The following KLHL25 variants were observed in gnomAD, a reference collection of about 807,000 sequenced individuals.
KLHL25 encodes the protein kelch like family member 25.
Under a neutral mutation model 30.0 loss-of-function variants are expected in KLHL25, and 41 were observed. The ratio of observed to expected loss-of-function variants is 1.37; its 90% CI spans 1.07 to 1.78. The LOEUF is 1.78. KLHL25 is among the 40% of genes most tolerant of loss of function. The pLI, the probability that KLHL25 is intolerant of heterozygous loss-of-function variation, is 0.00. For missense variants in KLHL25, 971 were observed against 824.5 expected (o/e 1.18, Z -2.18); for synonymous variants, 399 against 355.3 (o/e 1.12, Z -1.38).
chr15:85,783,322 G>C (rs1437112110), intron 1 of KLHL25, among the ~76,000 whole-genome samples: 1 of 151,666 alleles, frequency 6.6e-6, no homozygotes, highest in Non-Finnish European at 1.5e-5. Flanking sequence ...TCGAACTCCT[G>C]ACCTCAGGTG....
At chr15:85,774,114 G>A (rs986706371) in intron 1 of KLHL25, among the ~76,000 whole-genome samples, 1 of 152,152 alleles carries the variant, frequency 6.6e-6, no homozygotes, top group Non-Finnish European at 1.5e-5. Context: ...GGGGGGTGGG[G>A]AGCATGTGAG....
rs1427166042 is a variant in KLHL25 at position 85,759,589 on chromosome 15, G to A, written c.*1447C>T. 1 of 152,280 alleles carries A rather than the reference G, an allele frequency of 6.6e-6. No individual in the cohort carries two copies. The allele number at this position is 152,280 out of a possible 1,614,324, so 9.4% of individuals were successfully genotyped here. A position where few individuals can be genotyped will look rare whatever the true frequency, so the allele number is the denominator to read the frequency against. ...GTCTGCTGGGTCTACAGGGTCCAAG[G>A]AGCCCCATGCAGCCAGTGCCCCATG... On this transcript the variant is annotated 3_prime_UTR_variant, in exon 3 of 3. Coordinates refer to ENST00000337975, the MANE Select transcript of KLHL25 (RefSeq NM_022480.4).
intron 1 of KLHL25, among the ~76,000 whole-genome samples, chr15:85,778,007 G>A (rs2089720655): frequency 6.6e-6 from 1 of 152,230 alleles, no homozygotes; most frequent in Non-Finnish European, 1.5e-5. Flanking sequence ...CAGGACGGAT[G>A]AGGTTCTGCC....
chr15:85,787,239 G>A (rs971601591), intron 1 of KLHL25, among the ~76,000 whole-genome samples: 10 of 152,154 alleles, frequency 6.6e-5, no homozygotes, highest in African/African-American at 2.2e-4. Context: ...CTGAGGTCAG[G>A]AGTTTGAGAC....
At chr15:85,792,549 A>C (rs1446921873) in intron 1 of KLHL25, among the ~76,000 whole-genome samples, 2 of 152,148 alleles carry the variant, frequency 1.3e-5, no homozygotes, top group African/African-American at 2.4e-5. Flanking sequence ...CCCCCAGAGA[A>C]GAGAGGCTGC....
chr15:85,787,722 A>C (rs2089789796), intron 1 of KLHL25, among the ~76,000 whole-genome samples: 1 of 152,192 alleles, frequency 6.6e-6, no homozygotes, highest in South Asian at 2.1e-4. Context: ...TGTGAAAAAG[A>C]GCTCCACCAC....
intron 1 of KLHL25, among the ~76,000 whole-genome samples, chr15:85,794,486 C>G (rs1415693843): frequency 6.6e-6 from 1 of 152,256 alleles, no homozygotes; most frequent in Non-Finnish European, 1.5e-5. Context: ...AGTAGCGGCT[C>G]CCGCGCGCAA....
At chr15:85,794,261 G>C (rs2089836481) in intron 1 of KLHL25, among the ~76,000 whole-genome samples, 1 of 152,224 alleles carries the variant, frequency 6.6e-6, no homozygotes, top group Non-Finnish European at 1.5e-5. Context: ...TGAACGGCTC[G>C]GGGCTCCGCG....
At position 85,789,483 on chromosome 15, in the gene KLHL25, C is replaced by T. The variant is rs1412332771; in HGVS notation, c.-11+5283G>A. ...GCAACTTCTGCCTCCGGGGTTCAAG[C>T]GATTCTCCTGTCTCAGCCTCCCAAG... On this transcript the variant is annotated intron_variant, in intron 1 of 2. Transcript: ENST00000337975. The surrounding 1 kb of genome is among the most constrained non-coding windows in gnomAD (Gnocchi z 4.1). 1.3e-5 allele frequency among the ~76,000 whole-genome samples: 2 copies of T among 152,012 alleles called. No homozygotes were observed. Among genetic ancestry groups the T allele is most frequent in the African/African-American group, 2.4e-5 (1 of 41,388 alleles).
At chr15:85,787,360 C>A (rs769188063) in intron 1 of KLHL25, among the ~76,000 whole-genome samples, 6 of 151,756 alleles carry the variant, frequency 4.0e-5, no homozygotes, top group African/African-American at 1.5e-4. Context: ...GCAGGAGAAT[C>A]GCTTGAACCT....
chr15:85,781,161 C>T (rs561864466), intron 1 of KLHL25, among the ~76,000 whole-genome samples: 5 of 152,226 alleles, frequency 3.3e-5, no homozygotes, highest in African/African-American at 4.8e-5. Context: ...ATGGTGGTGG[C>T]GGGCACCTGT....
intron 1 of KLHL25, chr15:85,770,510 C>A (rs1392065457): frequency 5.6e-6 from 3 of 534,406 alleles, no homozygotes; most frequent in South Asian, 4.2e-5. Flanking sequence ...GCCATCAAGG[C>A]CCAAGTGCTC....
chr15:85,792,051 T>A lies in KLHL25; in HGVS notation c.-11+2715A>T, dbSNP rs568276573. On this transcript the variant is annotated intron_variant, in intron 1 of 2. Transcript: ENST00000337975. The stretch of plus-strand genomic sequence containing the variant: ...GGACCTGGAGGCAGTATGGGATGAT[T>A]ATGCCTTGAAGATGACAGGTGTCAG... 5.3e-5 allele frequency among the ~76,000 whole-genome samples: 8 copies of A among 152,304 alleles called. No homozygotes were observed. In the East Asian group the frequency reaches 1.4e-3, roughly 26 times the overall value.
rs76831203 is a variant in KLHL25, at chr15:85,786,543, C to T, written c.-11+8223G>A. Among the ~76,000 whole-genome samples, 10 of 152,362 alleles carry T rather than the reference C, an allele frequency of 6.6e-5. No individual in the cohort carries two copies. The East Asian group carries it at 7.7e-4, about 12-fold the overall frequency. On this transcript the variant is annotated intron_variant, in intron 1 of 2. Transcript: ENST00000337975. ...TCTGGGCCTTTCTCTGGACCAGCTA[C>T]GGAACTCTCTCTGTCCTCCTGGCTC...
intron 1 of KLHL25, among the ~76,000 whole-genome samples, chr15:85,782,441 G>A (rs931635853): frequency 1.3e-5 from 2 of 151,768 alleles, no homozygotes; most frequent in Non-Finnish European, 2.9e-5. Flanking sequence ...TCACATCCAA[G>A]CTGTGTTCAA....
rs1384448641 is a variant in KLHL25 at position 85,789,250 on chromosome 15, C to A, written c.-11+5516G>T. 6.6e-6 allele frequency among the ~76,000 whole-genome samples: 1 copy of A among 152,190 alleles called. No individual in the cohort carries two copies. Among genetic ancestry groups the A allele is most frequent in the African/African-American group, 2.4e-5 (1 of 41,446 alleles). ...GAGTGACACCTAAGGTGAATGTGGC[C>A]CTTGAGCTGGTGGCAGCAGGCACAG... is the stretch of plus-strand genomic sequence containing the variant. On this transcript the variant is annotated intron_variant, in intron 1 of 2. Transcript: ENST00000337975. The surrounding 1 kb of genome is among the most constrained non-coding windows in gnomAD (Gnocchi z 4.1).
chr15:85,780,783 T>C (rs778375382), intron 1 of KLHL25, among the ~76,000 whole-genome samples: 49 of 152,314 alleles, frequency 3.2e-4, no homozygotes, highest in African/African-American at 9.4e-4. Context: ...AAGGGGAGCA[T>C]AGTTGGCACA....
Position 85,769,232 on chromosome 15 carries a change from C to T in KLHL25, c.579G>A (p.Leu193=), listed in dbSNP as rs1365031351. ...GCTCATCACTCGAGATGAGGTCCAG[C>T]AGTGTGTCCTTGGACAGGCTGTTGA... is the stretch of plus-strand genomic sequence containing the variant. ...EDFNSLSKDT[L]LDLISSDELE... The change falls in exon 2 of 3, where the codon CTG becomes CTA. Residue 193 remains leucine (L), a synonymous_variant. Transcript: ENST00000337975. 1 of 1,613,862 alleles carries T rather than the reference C, an allele frequency of 6.2e-7. No individual in the cohort carries two copies. Among genetic ancestry groups the T allele is most frequent in the Admixed American group, 1.7e-5 (1 of 60,030 alleles).
In KLHL25 at chr15:85,778,587, G is replaced by C. The variant is rs191633234; in HGVS notation, c.-10-8767C>G. Reference sequence around the variant, plus strand: ...ATTTGCCCAAAGCTACGCAAGGAGTGGGGGCAGAGCCCAGGGCTCTGTCTT... The same window carrying C: ...ATTTGCCCAAAGCTACGCAAGGAGTCGGGGCAGAGCCCAGGGCTCTGTCTT... On this transcript the variant is annotated intron_variant, in intron 1 of 2. Transcript: ENST00000337975. Among the ~76,000 whole-genome samples the C allele has an allele frequency of 5.9e-5, 9 of 152,306 alleles. No homozygotes were observed. The East Asian group carries it at 1.2e-3, about 20-fold the overall frequency.
Sources: gnomAD v4.1 joint callset for allele counts (sites outside exome capture counted in the v4.1 genomes callset) on GRCh38, gnomAD v4.1.1 for gene constraint, Gnocchi (gnomAD v3.1) non-coding constraint, MANE v1.5 for transcripts, NCBI Gene and HGNC (gene_info 2026-07-23, HGNC 2026-07-21) for gene names.